CTNNA3: variants seen among roughly 807,000 people sequenced by gnomAD.
The protein encoded by CTNNA3 is catenin alpha-3.
CTNNA3 carries 76 observed loss-of-function variants against 95.7 expected under a neutral mutation model. The observed-to-expected ratio is 0.79, with a 90% CI of 0.66 to 0.96. The LOEUF (loss-of-function observed/expected upper bound fraction) is 0.96. CTNNA3 is among the 40% of genes least tolerant of loss of function. The probability of loss-of-function intolerance (pLI) is 0.00; values close to 1 mark genes in which losing one functional copy is unlikely to be tolerated. For synonymous variants in CTNNA3, 431 were observed against 374.4 expected (o/e 1.15, Z -1.74); for missense variants, 1,191 against 1,089.8 (o/e 1.09, Z -1.31).
At chr10:66,762,142 A>C (rs1839623975) in intron 9 of CTNNA3, among the ~76,000 whole-genome samples, 1 of 152,152 alleles carries the variant, frequency 6.6e-6, no homozygotes, top group African/African-American at 2.4e-5. Context: ...GCTAAATTTC[A>C]TATTTTTATC....
At position 67,258,549 on chromosome 10, in the gene CTNNA3, G is replaced by T. The variant is rs557402796; in HGVS notation, c.580-38679C>A. 8.3e-4 allele frequency among the ~76,000 whole-genome samples: 126 copies of T among 152,174 alleles called. 1 individual carries two copies. The highest frequency in any genetic ancestry group is 2.9e-3 in the African/African-American group (122 of 41,526). On this transcript the variant is annotated intron_variant, in intron 5 of 17. Transcript: ENST00000433211. ...ACCTAGAGAACTTTCATGGCACTTTGTTTAGCCGACAACTTTGAAAATTTT... is the reference window on the plus strand; with the variant it reads ...ACCTAGAGAACTTTCATGGCACTTTTTTTAGCCGACAACTTTGAAAATTTT...
At chr10:66,155,641 A>T (rs1177144797) in intron 13 of CTNNA3, among the ~76,000 whole-genome samples, 3 of 151,860 alleles carry the variant, frequency 2.0e-5, no homozygotes, top group Non-Finnish European at 4.4e-5. Flanking sequence ...GGTCAAGTGG[A>T]TATATGTATG....
At chr10:66,909,323 A>T (rs1019136191) in intron 7 of CTNNA3, among the ~76,000 whole-genome samples, 3 of 152,102 alleles carry the variant, frequency 2.0e-5, no homozygotes, top group African/African-American at 7.2e-5. Context: ...GAGACCAGCC[A>T]ACACAGAGAA....
chr10:66,626,147 A>C (rs1844927734), intron 9 of CTNNA3, among the ~76,000 whole-genome samples: 1 of 152,148 alleles, frequency 6.6e-6, no homozygotes, highest in Non-Finnish European at 1.5e-5. Context: ...CTGAAATCTC[A>C]GGGGCACTGG....
chr10:66,741,018 G>T (rs1042612436), intron 9 of CTNNA3, among the ~76,000 whole-genome samples: 1 of 152,146 alleles, frequency 6.6e-6, no homozygotes, highest in Admixed American at 6.6e-5. Context: ...CAGAATTTTT[G>T]TTTAAACAAC....
intron 5 of CTNNA3, among the ~76,000 whole-genome samples, chr10:67,479,652 A>G (rs1848143890): frequency 6.6e-6 from 1 of 152,158 alleles, no homozygotes; most frequent in Non-Finnish European, 1.5e-5. Flanking sequence ...TCTTAAATTA[A>G]CCATCTAACA....
At chr10:67,657,912 A>G (rs528465087) in intron 1 of CTNNA3, among the ~76,000 whole-genome samples, 2 of 151,796 alleles carry the variant, frequency 1.3e-5, no homozygotes, top group South Asian at 4.2e-4. Flanking sequence ...CTCTCTGAGT[A>G]GACACAGCCC....
intron 15 of CTNNA3, among the ~76,000 whole-genome samples, chr10:66,021,292 T>G (rs1217470676): frequency 1.3e-5 from 2 of 152,160 alleles, no homozygotes; most frequent in Admixed American, 6.6e-5. Context: ...TATCCAATCT[T>G]TTTTTAAATG....
chr10:66,608,728 C>A (rs1032491886), intron 10 of CTNNA3, among the ~76,000 whole-genome samples: 1 of 152,100 alleles, frequency 6.6e-6, no homozygotes, highest in African/African-American at 2.4e-5. Flanking sequence ...AGATAACTGG[C>A]TAGCCATACG....
chr10:67,097,985 A>AT (rs1858113334), intron 7 of CTNNA3: 1 of 591,516 alleles, frequency 1.7e-6, no homozygotes, highest in East Asian at 2.8e-5. Context: ...ACACTTTGTA[A>AT]TTAGCTAAGT....
chr10:66,217,244 C>T (rs1260561313), intron 13 of CTNNA3, among the ~76,000 whole-genome samples: 1 of 151,250 alleles, frequency 6.6e-6, no homozygotes, highest in East Asian at 2.0e-4. Flanking sequence ...GTCCCAGCTA[C>T]TTGGGAGGCT....
intron 7 of CTNNA3, among the ~76,000 whole-genome samples, chr10:66,979,577 GGAA>G (rs2132872268): frequency 6.6e-6 from 1 of 152,176 alleles, no homozygotes; most frequent in South Asian, 2.1e-4. Context: ...CATGCGACCT[GGAA>G]GAATTTGTTA....
intron 5 of CTNNA3, among the ~76,000 whole-genome samples, chr10:67,381,358 G>T (rs1318534540): frequency 1.3e-5 from 2 of 152,174 alleles, no homozygotes; most frequent in South Asian, 2.1e-4. Flanking sequence ...CATCTTTCCA[G>T]TATGTGTTAC....
intron 5 of CTNNA3, among the ~76,000 whole-genome samples, chr10:67,499,037 T>G (rs1370896830): frequency 1.3e-5 from 2 of 152,186 alleles, no homozygotes; most frequent in East Asian, 3.8e-4. Context: ...ATGCTTCCGG[T>G]TTTTGTCCAT....
rs532189950 is a variant in CTNNA3 at position 66,318,718 on chromosome 10, C to CA, written c.1733-38098dup. ...GATCTCACCCTCTCTGAGTGGTTCC[C>CA]AAGTCTTAGTATGCACATGTAAATG... On this transcript the variant is annotated intron_variant, in intron 12 of 17. Coordinates refer to ENST00000433211, the MANE Select transcript of CTNNA3 (RefSeq NM_013266.4). Among the ~76,000 whole-genome samples the CA allele has an allele frequency of 3.5e-4, 53 of 152,118 alleles. 2 individuals carry two copies. In the East Asian group the frequency reaches 5.2e-3, roughly 15 times the overall value.
intron 17 of CTNNA3, among the ~76,000 whole-genome samples, chr10:65,937,959 A>G (rs1329618662): frequency 6.6e-6 from 1 of 152,134 alleles, no homozygotes; most frequent in African/African-American, 2.4e-5. Context: ...GCCCTGTCCT[A>G]TATCCAAAAA....
chr10:66,771,439 C>A (rs1291871771), intron 8 of CTNNA3, among the ~76,000 whole-genome samples: 1 of 151,884 alleles, frequency 6.6e-6, no homozygotes, highest in African/African-American at 2.4e-5. Flanking sequence ...GAAAAAGAGG[C>A]TAAAGAAAGA....
intron 15 of CTNNA3, among the ~76,000 whole-genome samples, chr10:66,007,353 G>A (rs954696618): frequency 2.0e-5 from 3 of 152,002 alleles, no homozygotes; most frequent in Non-Finnish European, 4.4e-5. Context: ...ATTAAGCCTA[G>A]TACCCATTAG....
chr10:66,919,797 C>A (rs191285890), intron 7 of CTNNA3, among the ~76,000 whole-genome samples: 1 of 152,116 alleles, frequency 6.6e-6, no homozygotes. Flanking sequence ...CAAATGTAGA[C>A]ATGCATATGA....
Sources: gnomAD v4.1 joint callset for allele counts (sites outside exome capture counted in the v4.1 genomes callset) on GRCh38, gnomAD v4.1.1 for gene constraint, MANE v1.5 for transcripts, NCBI Gene and HGNC (gene_info 2026-07-23, HGNC 2026-07-21) for gene names.